Variants in MIA3 observed in about 807,000 individuals in gnomAD.
The protein encoded by MIA3 is transport and Golgi organization protein 1 homolog.
Under a neutral mutation model 192.4 loss-of-function variants are expected in MIA3, and 90 were observed. That is an observed-to-expected ratio of 0.47 (90% CI 0.39 to 0.56). The LOEUF (loss-of-function observed/expected upper bound fraction) is 0.56, where lower values mean the gene tolerates loss of function less well. Among genes scored for constraint, MIA3 ranks in the 20% least tolerant of loss-of-function variants. The probability of loss-of-function intolerance (pLI) is 0.00; values close to 1 mark genes in which losing one functional copy is unlikely to be tolerated. For synonymous variants in MIA3, 740 were observed against 792.8 expected (o/e 0.93, Z 1.12); for missense variants, 2,123 against 2,269.4 (o/e 0.94, Z 1.31).
intron 6 of MIA3, among the ~76,000 whole-genome samples, chr1:222,636,964 GC>G (rs1210154850): frequency 1.3e-5 from 2 of 152,196 alleles, no homozygotes; most frequent in Non-Finnish European, 2.9e-5. Flanking sequence ...CAGGTAGAAA[GC>G]TGGGAGGTTG....
In MIA3 at chr1:222,628,107, T is replaced by G. The variant is rs1371282706; in HGVS notation, c.887T>G (p.Val296Gly). ...TCTGATGATGAGACAACCAGACTCG[T>G]TACTTCATTAGAAGATGATTTTGAT... is the stretch of plus-strand genomic sequence containing the variant. Reference protein sequence around the residue: ...LVSDDETTRLVTSLEDDFDEE... With the variant: ...LVSDDETTRLGTSLEDDFDEE... The change falls in exon 4 of 28, where the codon GTT becomes GGT. Residue 296 changes from valine to glycine, a missense_variant. Val to Gly is a moderately radical substitution (Grantham distance 109). Coordinates refer to ENST00000344922, the MANE Select transcript of MIA3 (RefSeq NM_198551.4). 1.2e-6 allele frequency: 2 copies of G among 1,614,020 alleles called. No individual in the cohort carries two copies. Among genetic ancestry groups the G allele is most frequent in the Non-Finnish European group, 1.7e-6 (2 of 1,180,026 alleles).
At chr1:222,650,441 A>T (rs1392510371) in intron 9 of MIA3, 61 bp downstream of exon 9, 9 of 946,516 alleles carry the variant, frequency 9.5e-6, no homozygotes, top group East Asian at 2.6e-5. Flanking sequence ...TTTGTCACCT[A>T]TCTTATAGTT....
At chr1:222,652,953 A>G (rs936487955) in intron 13 of MIA3, 55 bp from the exon 14 acceptor site, 2 of 1,570,516 alleles carry the variant, frequency 1.3e-6, no homozygotes, top group African/African-American at 2.7e-5. Context: ...TGTGGTCCTA[A>G]TGTCTCCAGT....
chr1:222,632,557 T>C (rs1353058500), intron 5 of MIA3, among the ~76,000 whole-genome samples: 1 of 152,244 alleles, frequency 6.6e-6, no homozygotes, highest in Non-Finnish European at 1.5e-5. Context: ...CTATCTTGTG[T>C]AAATTATTTC....
At chr1:222,625,732 T>C (rs1434655411) in intron 3 of MIA3, among the ~76,000 whole-genome samples, 3 of 152,156 alleles carry the variant, frequency 2.0e-5, no homozygotes, top group Non-Finnish European at 2.9e-5. Flanking sequence ...AGAATCTGCA[T>C]TCCATCTGAT....
intron 1 of MIA3, among the ~76,000 whole-genome samples, chr1:222,618,865 G>T (rs1661732001): frequency 6.6e-6 from 1 of 152,202 alleles, no homozygotes; most frequent in Non-Finnish European, 1.5e-5. Context: ...TGGGAGTTTA[G>T]GTTTGGGACG....
chr1:222,649,326 A>C (rs1663300552), intron 8 of MIA3: 1 of 152,494 alleles, frequency 6.6e-6, no homozygotes, highest in African/African-American at 2.4e-5. Flanking sequence ...ATAACATTTT[A>C]CTGTATTTCC....
chr1:222,665,190 C>T (rs1664215001), intron 27 of MIA3, 119 bp from the exon 28 acceptor site: 1 of 774,830 alleles, frequency 1.3e-6, no homozygotes, highest in Admixed American at 2.6e-5. Flanking sequence ...AGGCAAGACC[C>T]TGCCGCCAAA....
intron 2 of MIA3, among the ~76,000 whole-genome samples, chr1:222,623,024 A>T (rs1052378407): frequency 1.3e-5 from 2 of 152,242 alleles, no homozygotes; most frequent in African/African-American, 4.8e-5. Context: ...TAGCTCACGT[A>T]AAGTGAAAGA....
chr1:222,624,980 A>G, intron 3 of MIA3, 126 bp downstream of exon 3: 1 of 531,768 alleles, frequency 1.9e-6, no homozygotes, highest in South Asian at 2.0e-5. Flanking sequence ...TATCTAATAT[A>G]TGGAAATAGA....
intron 23 of MIA3, 25 bp downstream of exon 23, chr1:222,660,031 C>T: frequency 6.3e-7 from 1 of 1,593,836 alleles, no homozygotes; most frequent in Non-Finnish European, 8.6e-7. Flanking sequence ...TTGTAAAGGG[C>T]AACAATCTGT....
In MIA3 at chr1:222,645,646, T is replaced by C. The variant is rs1175279996; in HGVS notation, c.3570T>C (p.Ile1190=). The change falls in exon 7 of 28, where the codon ATT becomes ATC. Residue 1190 remains isoleucine (I), a synonymous_variant. Transcript: ENST00000344922. ...TATTTATCACTGCCTTCTTGGGAAT[T>C]GCTTCGTTTGCCATTTTCTTATGGA... is the stretch of plus-strand genomic sequence containing the variant. ...KPVFITAFLG[I]ASFAIFLWRT... is the part of the protein sequence containing the mutation. The C allele has an allele frequency of 6.2e-7, 1 of 1,614,076 alleles. No homozygotes were observed. The highest frequency in any genetic ancestry group is 1.7e-5 in the Admixed American group (1 of 60,016).
rs1162603413 is a variant in MIA3, at chr1:222,645,585, C to A, written c.3509C>A (p.Pro1170His). 1.2e-6 allele frequency: 2 copies of A among 1,613,076 alleles called. No individual in the cohort carries two copies. The highest frequency in any genetic ancestry group is 1.7e-6 in the Non-Finnish European group (2 of 1,179,508). ...LVATLPDDVQ[P>H]GPDFYGLPWK... ...GCTACATTGCCTGATGATGTTCAGC[C>A]TGGGCCTGATTTTTATGGACTGCCA... The change falls in exon 7 of 28, where the codon CCT becomes CAT. Residue 1170 changes from proline (P) to histidine (H), a missense_variant. Transcript: ENST00000344922.
intron 3 of MIA3, among the ~76,000 whole-genome samples, chr1:222,626,250 G>A (rs998152412): frequency 6.6e-6 from 1 of 152,284 alleles, no homozygotes; most frequent in Middle Eastern, 3.4e-3. Context: ...ACGCTCTCAG[G>A]GGTTATATAG....
At position 222,629,618 on chromosome 1, in the gene MIA3, A is replaced by G. The variant is rs754942576; in HGVS notation, c.2398A>G (p.Asn800Asp). The G allele has an allele frequency of 1.9e-6, 3 of 1,613,978 alleles. No homozygotes were observed. In the African/African-American group the frequency reaches 4.0e-5, roughly 22 times the overall value. Residue 800 changes from asparagine to aspartate, a missense_variant, in exon 4 of 28, where the codon AAC (asparagine) becomes GAC (aspartate). Asn to Asp is a conservative substitution (Grantham distance 23). Coordinates refer to ENST00000344922, the MANE Select transcript of MIA3 (RefSeq NM_198551.4). ...KTSETAAKGV[N>D]TGGREPNTMV... is the part of the protein sequence containing the mutation. ...AAGTGAGACTGCTGCCAAAGGGGTCAACACAGGAGGCAGGGAACCAAATAC... is the reference window on the plus strand; with the variant it reads ...AAGTGAGACTGCTGCCAAAGGGGTCGACACAGGAGGCAGGGAACCAAATAC...
Position 222,667,976 on chromosome 1 carries a change from T to C in MIA3, c.*2357T>C, listed in dbSNP as rs1441724376. 6.6e-6 allele frequency: 1 copy of C among 152,220 alleles called. No homozygotes were observed. Among genetic ancestry groups the C allele is most frequent in the African/African-American group, 2.4e-5 (1 of 41,458 alleles). 9.4% of individuals were successfully genotyped at this position (152,220 alleles called of 1,614,324 possible). ...GATAATCACTCATTTTCTCGTTATA[T>C]TCAGGTCTGAATTAAAGTTAAGTTA... On this transcript the variant is annotated 3_prime_UTR_variant, in exon 28 of 28. Coordinates refer to ENST00000344922, the MANE Select transcript of MIA3 (RefSeq NM_198551.4).
chr1:222,638,850 A>G (rs1662739787), intron 6 of MIA3, among the ~76,000 whole-genome samples: 1 of 152,206 alleles, frequency 6.6e-6, no homozygotes, highest in South Asian at 2.1e-4. Context: ...CCACCATAAG[A>G]GACTAGAAAA....
At chr1:222,632,054 G>A in intron 4 of MIA3, 111 bp from the exon 5 acceptor site, 1 of 826,084 alleles carries the variant, frequency 1.2e-6, no homozygotes. Flanking sequence ...TGCTCCATGG[G>A]ATGCCCATGC....
At position 222,618,285 on chromosome 1, in the gene MIA3, C is replaced by G. The variant is rs1661697076; in HGVS notation, c.133+42C>G. The G allele has an allele frequency of 2.2e-6, 3 of 1,344,428 alleles. No individual in the cohort carries two copies. The East Asian group carries it at 9.6e-5, about 43-fold the overall frequency. The allele number at this position is 1,344,428 out of a possible 1,614,324, so 83.3% of individuals were successfully genotyped here. On this transcript the variant is annotated intron_variant, in intron 1 of 27. Transcript: ENST00000344922. ...GGCGGCTGGCCTCGGGGCGGCTGGC[C>G]TTGGGGTCTCCGCCGGCCCCGGGGG...
Sources: gnomAD v4.1 joint callset for allele counts (sites outside exome capture counted in the v4.1 genomes callset) on GRCh38, gnomAD v4.1.1 for gene constraint, MANE v1.5 for transcripts, NCBI Gene and HGNC (gene_info 2026-07-23, HGNC 2026-07-21) for gene names.